The following ANKRD30A variants were observed in gnomAD, a reference collection of about 807,000 sequenced individuals.
ANKRD30A encodes the protein ankyrin repeat domain-containing protein 30A.
In ANKRD30A, 170 loss-of-function variants were observed where a neutral mutation model predicts 166.3. The ratio of observed to expected loss-of-function variants is 1.02; its 90% CI spans 0.90 to 1.16. The LOEUF is 1.16. Among genes scored for constraint, ANKRD30A ranks in the 50% most tolerant of loss-of-function variants. ANKRD30A has a pLI of 0.00. For synonymous variants in ANKRD30A, 564 were observed against 508.9 expected (o/e 1.11, Z -1.46); for missense variants, 1,630 against 1,518.0 (o/e 1.07, Z -1.23).
chr10:37,183,070 C>A (rs1840140795), intron 24 of ANKRD30A, among the ~76,000 whole-genome samples: 1 of 149,118 alleles, frequency 6.7e-6, no homozygotes, highest in African/African-American at 2.5e-5. Flanking sequence ...TGTTTCCTAG[C>A]CACTAAAAGT....
the ANKRD30A span, among the ~76,000 whole-genome samples, chr10:37,238,715 A>G: frequency 6.6e-6 from 1 of 152,200 alleles, no homozygotes; most frequent in Non-Finnish European, 1.5e-5. Context: ...TTTTGGGGAA[A>G]AGATAATAGC....
rs1220791508 is a variant in ANKRD30A, at chr10:37,219,373, C to A, written c.3661C>A (p.Pro1221Thr). ...QIVTSRKSQE[P>T]AFHIAGDACL... Reference sequence around the variant, plus strand: ...TGTGACATCAAGAAAAAGTCAAGAACCTGCTTTCCACATTGCAGGAGATGC... The same window carrying A: ...TGTGACATCAAGAAAAAGTCAAGAAACTGCTTTCCACATTGCAGGAGATGC... Residue 1221 changes from proline (P) to threonine (T), a missense_variant, in exon 34 of 36, where the codon CCT becomes ACT. Pro to Thr is a conservative substitution (Grantham distance 38). Transcript: ENST00000361713. 2 of 1,610,510 alleles carry A rather than the reference C, an allele frequency of 1.2e-6. No individual in the cohort carries two copies. The highest frequency in any genetic ancestry group is 4.5e-5 in the East Asian group (2 of 44,752).
intron 32 of ANKRD30A, 61 bp downstream of exon 32, chr10:37,216,455 C>CT (rs1328788166): frequency 1.4e-6 from 2 of 1,448,254 alleles, no homozygotes; most frequent in African/African-American, 2.9e-5. Flanking sequence ...ACGTAGGATA[C>CT]TTTTTGTAAT....
At chr10:37,216,947 A>T in intron 32 of ANKRD30A, among the ~76,000 whole-genome samples, 1 of 151,204 alleles carries the variant, frequency 6.6e-6, no homozygotes, top group Middle Eastern at 3.4e-3. Flanking sequence ...TGTGCATGGA[A>T]TATAAAGAAA....
rs566516251 is a variant in ANKRD30A at position 37,193,419 on chromosome 10, A to G, written c.2614+161A>G. Among the ~76,000 whole-genome samples the G allele has an allele frequency of 2.2e-4, 33 of 152,232 alleles. 1 individual carries two copies. In the South Asian group the frequency reaches 6.4e-3, roughly 30 times the overall value. On this transcript the variant is annotated intron_variant, in intron 27 of 35. Transcript: ENST00000361713. ...GAGTATTTCTGTTTGAGAAAATGCC[A>G]TTTATAAGCCTAAGATTTAGAGATT...
intron 31 of ANKRD30A, 110 bp downstream of exon 31, chr10:37,201,435 TG>T: frequency 1.2e-6 from 1 of 805,966 alleles, no homozygotes; most frequent in East Asian, 3.5e-5. Context: ...ATGCAAACCA[TG>T]GAAAAAAAGA....
At chr10:37,245,431 T>C in the ANKRD30A span, among the ~76,000 whole-genome samples, 1 of 152,142 alleles carries the variant, frequency 6.6e-6, no homozygotes. Context: ...TCTTTTTTTT[T>C]CTACTGCAAG....
chr10:37,196,236 C>T (rs1841094719), intron 27 of ANKRD30A, among the ~76,000 whole-genome samples: 1 of 151,798 alleles, frequency 6.6e-6, no homozygotes, highest in African/African-American at 2.4e-5. Flanking sequence ...ATTATTTGCA[C>T]TCCAGAATGT....
At chr10:37,234,849 G>A (rs974767551), downstream of ANKRD30A, among the ~76,000 whole-genome samples, 10 of 152,198 alleles carry the variant, frequency 6.6e-5, no homozygotes, top group Admixed American at 5.9e-4. Flanking sequence ...CTTTTTACAT[G>A]GTGGAACATT....
intron 19 of ANKRD30A, among the ~76,000 whole-genome samples, chr10:37,167,287 AAT>A (rs61480898): frequency 1.2e-4 from 15 of 126,654 alleles, no homozygotes; most frequent in South Asian, 4.8e-4. Context: ...TGAGGCGTCA[AAT>A]ATATATATAT....
chr10:37,217,519 G>T (rs1842663668), intron 32 of ANKRD30A, among the ~76,000 whole-genome samples, 176 bp from the exon 33 acceptor site: 1 of 150,808 alleles, frequency 6.6e-6, no homozygotes, highest in Admixed American at 6.6e-5. Context: ...TATTTTTCAA[G>T]TATGTATGTC....
At chr10:37,223,483 A>G (rs1842987326) in intron 34 of ANKRD30A, among the ~76,000 whole-genome samples, 1 of 151,376 alleles carries the variant, frequency 6.6e-6, no homozygotes, top group African/African-American at 2.4e-5. Flanking sequence ...TGAACTATTG[A>G]TGACAATGCT....
At chr10:37,137,101 G>A (rs1836751511) in intron 6 of ANKRD30A, among the ~76,000 whole-genome samples, 1 of 151,582 alleles carries the variant, frequency 6.6e-6, no homozygotes, top group Admixed American at 6.6e-5. Flanking sequence ...TCAGTAACAG[G>A]GGATGATCAG....
intron 32 of ANKRD30A, 138 bp from the exon 33 acceptor site, chr10:37,217,557 G>C (rs775666468): frequency 1.7e-6 from 1 of 571,962 alleles, no homozygotes; most frequent in Non-Finnish European, 2.7e-6. Context: ...GTAATAAATA[G>C]CTGAGAACTA....
chr10:37,154,992 G>T lies in ANKRD30A; in HGVS notation c.1798+1330G>T, dbSNP rs554244994. ...GATATACTTGAATGTAAGAACCTTG[G>T]CTTTATTTTTAAGGAAGCAAATTGT... On this transcript the variant is annotated intron_variant, in intron 13 of 35. Transcript: ENST00000361713. Among the ~76,000 whole-genome samples, 38 of 152,070 alleles carry T rather than the reference G, an allele frequency of 2.5e-4. No homozygotes were observed. The East Asian group carries it at 5.8e-3, about 23-fold the overall frequency.
chr10:37,192,118 C>A (rs1161329428), intron 25 of ANKRD30A, among the ~76,000 whole-genome samples: 2 of 151,940 alleles, frequency 1.3e-5, no homozygotes, highest in Non-Finnish European at 2.9e-5. Flanking sequence ...CTCACTGCAA[C>A]CTCCACCTCC....
At chr10:37,129,865 T>C in intron 1 of ANKRD30A, 28 bp from the exon 2 acceptor site, 1 of 1,415,172 alleles carries the variant, frequency 7.1e-7, no homozygotes, top group Non-Finnish European at 9.4e-7. Flanking sequence ...GGACTAAACT[T>C]TGCCAAAAAG....
intron 31 of ANKRD30A, among the ~76,000 whole-genome samples, chr10:37,215,326 A>AC (rs982464918): frequency 1.1e-4 from 17 of 150,112 alleles, no homozygotes; most frequent in East Asian, 9.9e-4. Flanking sequence ...ATTTTGTAAG[A>AC]CCCCCCCGAC....
At position 37,201,312 on chromosome 10, in the gene ANKRD30A, T is replaced by C. The variant is rs878924429; in HGVS notation, c.2856T>C (p.Ser952=). ...ATHQKEMDKI[S]GKLEDSTSLS... ...ATCAAAAAGAAATGGATAAAATAAG[T>C]GGAAAATTAGAAGGTAAGAACCATC... The change falls in exon 31 of 36, where the codon AGT becomes AGC. Residue 952 remains serine, a synonymous_variant. Transcript: ENST00000361713. 3 of 1,584,668 alleles carry C rather than the reference T, an allele frequency of 1.9e-6. No individual in the cohort carries two copies. The highest frequency in any genetic ancestry group is 1.4e-5 in the African/African-American group (1 of 73,156).
Sources: gnomAD v4.1 joint callset for allele counts (sites outside exome capture counted in the v4.1 genomes callset) on GRCh38, gnomAD v4.1.1 for gene constraint, MANE v1.5 for transcripts, NCBI Gene and HGNC (gene_info 2026-07-23, HGNC 2026-07-21) for gene names.